CSNK2A1: variants seen among roughly 807,000 people sequenced by gnomAD.
The protein encoded by CSNK2A1 is casein kinase 2 alpha 1, also known as casein kinase II subunit alpha.
CSNK2A1 carries 10 observed loss-of-function variants against 62.9 expected under a neutral mutation model. The observed-to-expected ratio is 0.16, with a 90% CI of 0.10 to 0.27. The LOEUF (loss-of-function observed/expected upper bound fraction) is 0.27, where lower values mean the gene tolerates loss of function less well. Among genes scored for constraint, CSNK2A1 ranks in the 10% least tolerant of loss-of-function variants. The pLI is 1.00. For synonymous variants in CSNK2A1, 124 were observed against 167.8 expected (o/e 0.74, Z 2.02); for missense variants, 160 against 492.0 (o/e 0.33, Z 6.38).
At position 486,482 on chromosome 20, in the gene CSNK2A1, G is replaced by A; in HGVS notation, c.974-20C>T. ...CAGTGTCTAGAAAAGAGACAAAAAG[G>A]CTAGGTTCTGTTTTGCTTGAAAGAT... On this transcript the variant is annotated intron_variant, in intron 12 of 13. Coordinates refer to ENST00000217244, the MANE Select transcript of CSNK2A1 (RefSeq NM_177559.3). 6.2e-7 allele frequency: 1 copy of A among 1,612,424 alleles called. No individual in the cohort carries two copies. Among genetic ancestry groups the A allele is most frequent in the Non-Finnish European group, 8.5e-7 (1 of 1,179,194 alleles).
At chr20:513,262 C>A (rs954739104) in intron 2 of CSNK2A1, among the ~76,000 whole-genome samples, 6 of 152,186 alleles carry the variant, frequency 3.9e-5, no homozygotes, top group African/African-American at 1.4e-4. Flanking sequence ...AAGCCCTTTT[C>A]CTATGCTTAA....
rs1448584041 is a variant in CSNK2A1 at position 525,141 on chromosome 20, AC to A, written c.-110+2791del. On this transcript the variant is annotated intron_variant, in intron 2 of 13. Coordinates refer to ENST00000217244, the MANE Select transcript of CSNK2A1 (RefSeq NM_177559.3). ...ATCAATAAATTTTAAATAAAAAAAA[AC>A]ATAGGCTATAGAGAGTTTGTTCATA... Among the ~76,000 whole-genome samples the A allele has an allele frequency of 1.0e-3, 157 of 152,298 alleles. 2 individuals carry two copies. Among genetic ancestry groups the A allele is most frequent in the African/African-American group, 1.8e-3 (73 of 41,554 alleles).
chr20:532,497 AAAT>A (rs2019234711), intron 1 of CSNK2A1, among the ~76,000 whole-genome samples: 1 of 151,936 alleles, frequency 6.6e-6, no homozygotes, highest in Non-Finnish European at 1.5e-5. Context: ...TCAAGACAGA[AAAT>A]AATATTTGTA....
rs6052304 is a variant in CSNK2A1 at position 478,875 on chromosome 20, T to C, written c.*5086A>G. On this transcript the variant is annotated 3_prime_UTR_variant, in exon 14 of 14. Transcript: ENST00000217244. The stretch of plus-strand genomic sequence containing the variant: ...CTGGGAGGTTGAGGCTGCAGTGAGC[T>C]GTGATGGCGCTACTGCACTCTAGCC... The C allele has an allele frequency of 0.018, 4,398 of 244,664 alleles. 191 individuals are homozygous for C. The highest frequency in any genetic ancestry group is 0.094 in the African/African-American group (3,948 of 42,050). 15.2% of individuals were successfully genotyped at this position (244,664 alleles called of 1,614,324 possible).
At chr20:496,155 CCT>C (rs921246035) in intron 7 of CSNK2A1, 1 of 207,978 alleles carries the variant, frequency 4.8e-6, no homozygotes, top group African/African-American at 2.3e-5. Context: ...TTACTACAAA[CCT>C]CTTATTCTAA....
intron 7 of CSNK2A1, 57 bp from the exon 8 acceptor site, chr20:495,859 AC>A (rs2018337381): frequency 1.4e-6 from 2 of 1,459,008 alleles, no homozygotes; most frequent in Admixed American, 3.4e-5. Context: ...AGAGTCCTTT[AC>A]TTTTCCCTCC....
chr20:511,715 C>T (rs933415914), intron 2 of CSNK2A1, among the ~76,000 whole-genome samples: 4 of 152,002 alleles, frequency 2.6e-5, no homozygotes, highest in Non-Finnish European at 4.4e-5. Context: ...CACACACACA[C>T]ACACACACAC....
rs2018065368 is a variant in CSNK2A1, at chr20:485,115, TA to T, written c.1061-1040del. 1.4e-3 allele frequency among the ~76,000 whole-genome samples: 67 copies of T among 49,014 alleles called. 6 individuals are homozygous for T. Among genetic ancestry groups the T allele is most frequent in the African/African-American group, 5.8e-3 (65 of 11,172 alleles). The allele number at this position is 49,014 out of a possible 152,430, so 32.2% of individuals were successfully genotyped here. A position where few individuals can be genotyped will look rare whatever the true frequency, so the allele number is the denominator to read the frequency against. ...AAAAAAAAAAAAAAAAAAAAATATA[TA>T]TATATATATATATATATATATGAGA... On this transcript the variant is annotated intron_variant, in intron 13 of 13. Transcript: ENST00000217244.
intron 1 of CSNK2A1, 160 bp downstream of exon 1, chr20:543,507 ATGGGC>A (rs1285085818): frequency 5.1e-6 from 2 of 390,856 alleles, no homozygotes; most frequent in Non-Finnish European, 9.0e-6. Context: ...GGCCTCCCCG[ATGGGC>A]TGCAGGGGCC....
intron 1 of CSNK2A1, among the ~76,000 whole-genome samples, chr20:529,246 G>C (rs560369928): frequency 7.1e-6 from 1 of 140,160 alleles, no homozygotes; most frequent in African/African-American, 2.7e-5. Context: ...GGCTAGTCTT[G>C]AACTCCTGGG....
At chr20:500,297 CT>C (rs1172836628) in intron 4 of CSNK2A1, 2 of 204,012 alleles carry the variant, frequency 9.8e-6, no homozygotes, top group African/African-American at 2.4e-5. Context: ...GTATATCAAA[CT>C]TTTTATCAAT....
chr20:490,328 G>GTT (rs1555762275), intron 9 of CSNK2A1, among the ~76,000 whole-genome samples: 1 of 48,446 alleles, frequency 2.1e-5, no homozygotes, highest in South Asian at 1.0e-3. Flanking sequence ...TGCCTGGCTA[G>GTT]TTTTTTCTTT....
chr20:541,213 A>C (rs1343134621), intron 1 of CSNK2A1: 1 of 152,236 alleles, frequency 6.6e-6, no homozygotes, highest in African/African-American at 2.4e-5. Flanking sequence ...TTAAGTGACT[A>C]GATTCGGCCC....
In CSNK2A1 at chr20:474,003, T is replaced by C. The variant is rs2017801973; in HGVS notation, c.*9958A>G. ...ACTCCCTTGGGAGGAGACAACAACA[T>C]TGCAAGTGATCTAGTCTTTGAAAGG... On this transcript the variant is annotated 3_prime_UTR_variant, in exon 14 of 14. Transcript: ENST00000217244. 1 of 152,288 alleles carries C rather than the reference T, an allele frequency of 6.6e-6. No homozygotes were observed. Among genetic ancestry groups the C allele is most frequent in the South Asian group, 2.1e-4 (1 of 4,816 alleles). The allele number at this position is 152,288 out of a possible 1,614,324, so 9.4% of individuals were successfully genotyped here. A position where few individuals can be genotyped will look rare whatever the true frequency, so the allele number is the denominator to read the frequency against.
chr20:496,326 CA>C (rs1388623697), intron 7 of CSNK2A1: 1 of 156,308 alleles, frequency 6.4e-6, no homozygotes, highest in African/African-American at 2.4e-5. Context: ...GCAACAACAG[CA>C]GACTTGAATA....
At chr20:492,812 G>T (rs1179746637) in intron 8 of CSNK2A1, 4 of 157,674 alleles carry the variant, frequency 2.5e-5, no homozygotes, top group Non-Finnish European at 5.6e-5. Flanking sequence ...TAGGGGTAGG[G>T]ACTGTTTTAT....
intron 2 of CSNK2A1, among the ~76,000 whole-genome samples, chr20:511,550 C>A (rs1363271450): frequency 1.3e-5 from 2 of 152,148 alleles, no homozygotes; most frequent in Admixed American, 6.5e-5. Context: ...GCTGGCTATT[C>A]TAGGAACCTC....
rs2122484478 is a variant in CSNK2A1, at chr20:481,298, T to C, written c.*2663A>G. 6.6e-6 allele frequency: 1 copy of C among 152,120 alleles called. No homozygotes were observed. Among genetic ancestry groups the C allele is most frequent in the African/African-American group, 2.4e-5 (1 of 41,478 alleles). The allele number at this position is 152,120 out of a possible 1,614,324, so 9.4% of individuals were successfully genotyped here. A position where few individuals can be genotyped will look rare whatever the true frequency, so the allele number is the denominator to read the frequency against. On this transcript the variant is annotated 3_prime_UTR_variant, in exon 14 of 14. Coordinates refer to ENST00000217244, the MANE Select transcript of CSNK2A1 (RefSeq NM_177559.3). ...AGGGGAGGGACCACTTCAAACAAAG[T>C]TTAAAAATACTTTAAAAAATCTTTC...
At chr20:484,587 CA>C in intron 13 of CSNK2A1, among the ~76,000 whole-genome samples, 1 of 152,148 alleles carries the variant, frequency 6.6e-6, no homozygotes, top group Non-Finnish European at 1.5e-5. Context: ...TGGCAGCTTT[CA>C]AAATTACTGA....
Sources: gnomAD v4.1 joint callset for allele counts (sites outside exome capture counted in the v4.1 genomes callset) on GRCh38, gnomAD v4.1.1 for gene constraint, MANE v1.5 for transcripts, NCBI Gene and HGNC (gene_info 2026-07-23, HGNC 2026-07-21) for gene names.